Variants in RIMS2 observed in about 807,000 individuals in gnomAD.
RIMS2 encodes regulating synaptic membrane exocytosis protein 2.
Under a neutral mutation model 174.4 loss-of-function variants are expected in RIMS2, and 59 were observed. The observed-to-expected ratio is 0.34, with a 90% confidence interval of 0.27 to 0.42. The LOEUF is 0.42. RIMS2 is among the 10% of genes least tolerant of loss of function. The probability of loss-of-function intolerance (pLI) is 1.00; values close to 1 mark genes in which losing one functional copy is unlikely to be tolerated. For missense variants in RIMS2, 1,620 were observed against 1,666.3 expected (o/e 0.97, Z 0.48); for synonymous variants, 606 against 572.5 (o/e 1.06, Z -0.84).
chr8:103,760,594 A>G (rs1353331927), intron 2 of RIMS2, among the ~76,000 whole-genome samples: 1 of 152,210 alleles, frequency 6.6e-6, no homozygotes, highest in African/African-American at 2.4e-5. Flanking sequence ...CTTTAGGGTA[A>G]TGCTCTGGTT....
At chr8:103,780,368 ATAAT>A (rs1170001964) in intron 3 of RIMS2, among the ~76,000 whole-genome samples, 1 of 152,172 alleles carries the variant, frequency 6.6e-6, no homozygotes, top group Non-Finnish European at 1.5e-5. Flanking sequence ...TTAGACACAA[ATAAT>A]TCTTAGATTT....
chr8:103,641,690 G>A (rs2096234823), intron 1 of RIMS2, among the ~76,000 whole-genome samples: 1 of 151,912 alleles, frequency 6.6e-6, no homozygotes, highest in Non-Finnish European at 1.5e-5. Flanking sequence ...GGGGGTGGAG[G>A]GTAAGTGAAT....
At chr8:103,889,369 T>A (rs78748398) in intron 4 of RIMS2, among the ~76,000 whole-genome samples, 7,411 of 151,846 alleles carry the variant, frequency 0.049, 250 homozygotes, top group Non-Finnish European at 0.072. Context: ...ACAACTCAGA[T>A]CTCTTTCTCC....
chr8:103,935,261 G>T (rs1323784943), intron 12 of RIMS2, among the ~76,000 whole-genome samples: 1 of 151,988 alleles, frequency 6.6e-6, no homozygotes, highest in African/African-American at 2.4e-5. Context: ...CTCCTACATG[G>T]GTTTGCATTG....
At chr8:103,988,329 A>G (rs1210080268) in intron 16 of RIMS2, among the ~76,000 whole-genome samples, 2 of 152,224 alleles carry the variant, frequency 1.3e-5, no homozygotes, top group Non-Finnish European at 2.9e-5. Context: ...TAGCTCACCA[A>G]TGGAATAAAT....
At chr8:104,253,890 G>A (rs1262372274), downstream of RIMS2, 2 of 152,044 alleles carry the variant, frequency 1.3e-5, no homozygotes, top group African/African-American at 4.8e-5. Context: ...TTCTTTTTAT[G>A]TGGTGCAATA....
intron 14 of RIMS2, among the ~76,000 whole-genome samples, chr8:103,951,484 G>A (rs984270190): frequency 6.6e-6 from 1 of 152,194 alleles, no homozygotes; most frequent in Non-Finnish European, 1.5e-5. Context: ...ATGGGGCGTT[G>A]CCTCACCCAG....
At chr8:104,006,626 T>TTCTCTCTCTCTCTCTC (rs55665972) in intron 17 of RIMS2, among the ~76,000 whole-genome samples, 31 of 138,208 alleles carry the variant, frequency 2.2e-4, no homozygotes, top group Non-Finnish European at 3.4e-4. Context: ...AGTGATCTAT[T>TTCTCTCTCTCTCTCTC]TCTCTCTCTC....
chr8:104,039,281 A>C (rs1013588185), intron 19 of RIMS2, among the ~76,000 whole-genome samples: 1 of 151,702 alleles, frequency 6.6e-6, no homozygotes, highest in Non-Finnish European at 1.5e-5. Flanking sequence ...ACCTAGTCCA[A>C]AGAAAATTGA....
intron 1 of RIMS2, among the ~76,000 whole-genome samples, chr8:103,669,726 T>C (rs1422618586): frequency 1.4e-4 from 21 of 152,372 alleles, no homozygotes; most frequent in Admixed American, 6.5e-4. Context: ...CACATCCAGG[T>C]CACACTGATG....
At chr8:104,017,116 C>A (rs1286425558) in intron 19 of RIMS2, among the ~76,000 whole-genome samples, 5 of 150,370 alleles carry the variant, frequency 3.3e-5, no homozygotes, top group African/African-American at 1.2e-4. Flanking sequence ...ATGGAGACTT[C>A]AGTAGATTAT....
chr8:103,841,391 A>T (rs1564864286), intron 3 of RIMS2, among the ~76,000 whole-genome samples: 1 of 151,894 alleles, frequency 6.6e-6, no homozygotes, highest in Non-Finnish European at 1.5e-5. Flanking sequence ...TCTTTTTAAA[A>T]ATCTTTTTTA....
intron 1 of RIMS2, among the ~76,000 whole-genome samples, chr8:103,577,522 G>C (rs1687126307): frequency 6.6e-6 from 1 of 152,116 alleles, no homozygotes; most frequent in African/African-American, 2.4e-5. Flanking sequence ...GTGACGGGTT[G>C]ACAGGTGCAG....
intron 3 of RIMS2, among the ~76,000 whole-genome samples, chr8:103,850,394 A>G (rs956434504): frequency 6.6e-6 from 1 of 151,984 alleles, no homozygotes; most frequent in Non-Finnish European, 1.5e-5. Flanking sequence ...TTCTTACTCC[A>G]TCATGATCAG....
chr8:104,245,486 C>T (rs2099326397), intron 20 of RIMS2, among the ~76,000 whole-genome samples: 1 of 152,104 alleles, frequency 6.6e-6, no homozygotes, highest in African/African-American at 2.4e-5. Flanking sequence ...TTGCAACAAA[C>T]AACTATAATT....
chr8:104,224,793 G>A (rs2138788070), intron 19 of RIMS2, among the ~76,000 whole-genome samples: 1 of 152,250 alleles, frequency 6.6e-6, no homozygotes, highest in Non-Finnish European at 1.5e-5. Flanking sequence ...TTCCTGATAG[G>A]GGAGGGGGAA....
intron 19 of RIMS2, among the ~76,000 whole-genome samples, chr8:104,186,633 A>G (rs1407599744): frequency 6.6e-6 from 1 of 151,710 alleles, no homozygotes; most frequent in Non-Finnish European, 1.5e-5. Context: ...ATAGCCCTTC[A>G]TGTTAATATC....
chr8:103,705,973 C>T (rs1230091089), intron 2 of RIMS2, among the ~76,000 whole-genome samples: 1 of 151,508 alleles, frequency 6.6e-6, no homozygotes, highest in East Asian at 1.9e-4. Context: ...TTTGTAAGTT[C>T]CTTCTTCCTT....
At chr8:104,025,019 G>A (rs1452460752) in intron 19 of RIMS2, among the ~76,000 whole-genome samples, 2 of 152,176 alleles carry the variant, frequency 1.3e-5, no homozygotes, top group East Asian at 1.9e-4. Flanking sequence ...AAGCAAGTGG[G>A]TGGAGAAAAT....
Sources: gnomAD v4.1 joint callset for allele counts (sites outside exome capture counted in the v4.1 genomes callset) on GRCh38, gnomAD v4.1.1 for gene constraint, MANE v1.5 for transcripts, NCBI Gene and HGNC (gene_info 2026-07-23, HGNC 2026-07-21) for gene names.